DCC: variants seen among roughly 807,000 people sequenced by gnomAD.
The protein encoded by DCC is DCC netrin 1 receptor, also known as netrin receptor DCC.
Under a neutral mutation model 172.5 loss-of-function variants are expected in DCC, and 58 were observed. The observed-to-expected ratio is 0.34, with a 90% CI of 0.27 to 0.42. The LOEUF (loss-of-function observed/expected upper bound fraction) is 0.42, where lower values mean the gene tolerates loss of function less well. DCC is among the 10% of genes least tolerant of loss of function. The pLI is 1.00. For missense variants in DCC, 1,740 were observed against 1,791.0 expected, an observed-to-expected ratio of 0.97 and a Z score of 0.51; for synonymous variants, 709 against 644.5, an observed-to-expected ratio of 1.10 and a Z score of -1.52.
chr18:53,484,247 G>C (rs117121188), intron 25 of DCC, among the ~76,000 whole-genome samples: 1 of 151,664 alleles, frequency 6.6e-6, no homozygotes, highest in Admixed American at 6.6e-5. Flanking sequence ...ACTCATTCAA[G>C]TTATTTACTT....
intron 12 of DCC, among the ~76,000 whole-genome samples, chr18:53,270,693 T>C (rs1047393158): frequency 6.6e-6 from 1 of 152,166 alleles, no homozygotes; most frequent in African/African-American, 2.4e-5. Flanking sequence ...ATATGGCACA[T>C]TGGTACCCAT....
At chr18:52,781,708 C>G (rs1377991052) in intron 2 of DCC, among the ~76,000 whole-genome samples, 1 of 152,074 alleles carries the variant, frequency 6.6e-6, no homozygotes, top group African/African-American at 2.4e-5. Context: ...GCTTAATAAA[C>G]AGCTATAGAG....
intron 1 of DCC, among the ~76,000 whole-genome samples, chr18:52,429,778 C>T (rs1456843081): frequency 2.0e-5 from 3 of 152,072 alleles, no homozygotes; most frequent in Admixed American, 2.0e-4. Flanking sequence ...TCCTTTATTA[C>T]CAGTAACAGT....
At chr18:52,587,848 G>A (rs1190847780) in intron 1 of DCC, among the ~76,000 whole-genome samples, 1 of 152,154 alleles carries the variant, frequency 6.6e-6, no homozygotes, top group East Asian at 1.9e-4. Flanking sequence ...CTCCCCATGA[G>A]GCCATTGGTA....
At chr18:53,179,552 A>G (rs760300249) in intron 9 of DCC, among the ~76,000 whole-genome samples, 6 of 152,260 alleles carry the variant, frequency 3.9e-5, no homozygotes, top group African/African-American at 1.2e-4. Flanking sequence ...CACGCACCGC[A>G]TGCACTGAAA....
rs1442675375 is a variant in DCC at position 53,179,098 on chromosome 18, G to A, written c.1555G>A (p.Val519Met). Reference sequence around the variant, plus strand: ...GGGAGAGAGTTCTCAACCCATCAAGGTGGCCACACAGCCTGAGTGTGAGTA... The same window carrying A: ...GGGAGAGAGTTCTCAACCCATCAAGATGGCCACACAGCCTGAGTGTGAGTA... ...GPGESSQPIK[V>M]ATQPELQVPG... Residue 519 changes from valine (V) to methionine (M), a missense_variant, in exon 9 of 29, where the codon GTG (valine) becomes ATG (methionine). Physicochemically the swap from Val to Met is conservative, Grantham distance 21. This residue lies in a region of DCC where 1,732 missense variants were observed against 1,767.4 expected (regional missense o/e 0.98). Coordinates refer to ENST00000442544, the MANE Select transcript of DCC (RefSeq NM_005215.4). 1.9e-6 allele frequency: 3 copies of A among 1,613,878 alleles called. No individual in the cohort carries two copies. Among genetic ancestry groups the A allele is most frequent in the South Asian group, 1.1e-5 (1 of 91,076 alleles).
chr18:53,178,118 A>G (rs930379446), intron 8 of DCC, among the ~76,000 whole-genome samples: 1 of 152,184 alleles, frequency 6.6e-6, no homozygotes, highest in Admixed American at 6.6e-5. Context: ...TCAATCAGCT[A>G]TATGTTAAGT....
chr18:52,526,440 T>C (rs1247251319), intron 1 of DCC, among the ~76,000 whole-genome samples: 1 of 151,828 alleles, frequency 6.6e-6, no homozygotes, highest in African/African-American at 2.4e-5. Context: ...GAAAACCTGG[T>C]AGTTGGTAAA....
At chr18:53,424,952 C>T (rs1248540109) in intron 21 of DCC, among the ~76,000 whole-genome samples, 2 of 152,060 alleles carry the variant, frequency 1.3e-5, no homozygotes, top group African/African-American at 4.8e-5. Flanking sequence ...TCCCTTGTAT[C>T]CCGAGCCCTG....
intron 1 of DCC, among the ~76,000 whole-genome samples, chr18:52,570,096 A>T (rs1004278649): frequency 6.6e-6 from 1 of 152,196 alleles, no homozygotes; most frequent in Non-Finnish European, 1.5e-5. Context: ...CACATTGGAC[A>T]TTATTAATTT....
chr18:53,306,247 C>A (rs1054201764), intron 13 of DCC, among the ~76,000 whole-genome samples: 1 of 152,018 alleles, frequency 6.6e-6, no homozygotes, highest in Admixed American at 6.6e-5. Context: ...AAAACTGGAC[C>A]CAGTTTGCAT....
intron 1 of DCC, among the ~76,000 whole-genome samples, chr18:52,539,913 C>T (rs770016911): frequency 6.6e-6 from 1 of 152,050 alleles, no homozygotes; most frequent in East Asian, 1.9e-4. Context: ...CAAAAAAACC[C>T]ACAAAATTTA....
chr18:53,380,673 C>T (rs1412140504), intron 15 of DCC, among the ~76,000 whole-genome samples: 1 of 152,104 alleles, frequency 6.6e-6, no homozygotes, highest in East Asian at 1.9e-4. Flanking sequence ...CTTCCCAAGC[C>T]TTTATTACTT....
intron 12 of DCC, among the ~76,000 whole-genome samples, chr18:53,296,632 T>C (rs1410079204): frequency 6.6e-6 from 1 of 152,094 alleles, no homozygotes; most frequent in Non-Finnish European, 1.5e-5. Flanking sequence ...ATTAGGGTAG[T>C]GTCAGAGGAA....
At chr18:52,493,707 C>A (rs558107104) in intron 1 of DCC, among the ~76,000 whole-genome samples, 3 of 151,686 alleles carry the variant, frequency 2.0e-5, no homozygotes, top group African/African-American at 7.3e-5. Flanking sequence ...TGTTAGTGAC[C>A]GATTAATTTA....
chr18:52,879,662 C>A lies in DCC; in HGVS notation c.413-26382C>A, dbSNP rs906566263. Among the ~76,000 whole-genome samples, 6 of 152,016 alleles carry A rather than the reference C, an allele frequency of 3.9e-5. No individual in the cohort carries two copies. The South Asian group carries it at 6.2e-4, about 16-fold the overall frequency. ...GGCCAGGATGGTCTCCAACTCCTGA[C>A]CTCATGGTCTGCTCACCTCAGCCTC... On this transcript the variant is annotated intron_variant, in intron 2 of 28. Transcript: ENST00000442544.
chr18:53,419,937 TCTGCCTCCCAGGTTCAAGCGATTCTC>T (rs1910538567), intron 21 of DCC, among the ~76,000 whole-genome samples: 1 of 152,132 alleles, frequency 6.6e-6, no homozygotes, highest in Admixed American at 6.6e-5. Context: ...CACTGCAACC[TCTGCCTCCCAGGTTCAAGCGATTCTC>T]CTGCCTCAGC....
chr18:53,224,711 C>A (rs1175493944), intron 12 of DCC, among the ~76,000 whole-genome samples: 1 of 151,944 alleles, frequency 6.6e-6, no homozygotes, highest in African/African-American at 2.4e-5. Context: ...GAAGGCAGAG[C>A]AAGATCAAGG....
intron 1 of DCC, among the ~76,000 whole-genome samples, chr18:52,398,696 A>G (rs1349680174): frequency 6.6e-6 from 1 of 152,028 alleles, no homozygotes; most frequent in African/African-American, 2.4e-5. Flanking sequence ...ATAAAACAGC[A>G]ACTTTCACTC....
Sources: gnomAD v4.1 joint callset for allele counts (sites outside exome capture counted in the v4.1 genomes callset) on GRCh38, gnomAD v4.1.1 for gene constraint, gnomAD v4.1.1 regional missense constraint, MANE v1.5 for transcripts, NCBI Gene and HGNC (gene_info 2026-07-23, HGNC 2026-07-21) for gene names.